Variants in SGCZ observed in about 807,000 individuals in gnomAD.
SGCZ encodes sarcoglycan zeta.
A neutral mutation model predicts 41.3 loss-of-function variants in SGCZ; 40 were observed. The ratio of observed to expected loss-of-function variants is 0.97; its 90% CI spans 0.75 to 1.26. SGCZ has a LOEUF of 1.26. Among genes scored for constraint, SGCZ ranks in the 50% most tolerant of loss-of-function variants. The pLI is 0.00. For missense variants in SGCZ, 552 were observed against 369.8 expected, an observed-to-expected ratio of 1.49 and a Z score of -4.04; for synonymous variants, 206 against 137.5, an observed-to-expected ratio of 1.50 and a Z score of -3.49.
chr8:14,516,920 T>G (rs2117090173), intron 2 of SGCZ, among the ~76,000 whole-genome samples: 1 of 152,110 alleles, frequency 6.6e-6, no homozygotes, highest in South Asian at 2.1e-4. Context: ...GAAACACTGC[T>G]GCCTTGAAAT....
intron 2 of SGCZ, among the ~76,000 whole-genome samples, chr8:14,471,964 T>C (rs1801225213): frequency 6.6e-6 from 1 of 152,062 alleles, no homozygotes; most frequent in African/African-American, 2.4e-5. Context: ...ATAAGCTGAA[T>C]TTCCGAATCT....
intron 1 of SGCZ, among the ~76,000 whole-genome samples, chr8:15,001,642 T>C (rs954639261): frequency 1.4e-5 from 2 of 140,324 alleles, no homozygotes; most frequent in Non-Finnish European, 3.0e-5. Flanking sequence ...GGGAGGAGAA[T>C]GGCGTGAACC....
At chr8:14,646,738 T>A (rs1332092332) in intron 1 of SGCZ, among the ~76,000 whole-genome samples, 1 of 151,934 alleles carries the variant, frequency 6.6e-6, no homozygotes, top group Non-Finnish European at 1.5e-5. Flanking sequence ...AAAAATGACA[T>A]TACTTATTAA....
At chr8:14,599,750 C>T (rs991602659) in intron 1 of SGCZ, among the ~76,000 whole-genome samples, 1 of 152,180 alleles carries the variant, frequency 6.6e-6, no homozygotes, top group Non-Finnish European at 1.5e-5. Context: ...TTTACTAAAG[C>T]TCTGACATTA....
At chr8:14,450,484 G>A (rs1356054949) in intron 2 of SGCZ, among the ~76,000 whole-genome samples, 1 of 152,148 alleles carries the variant, frequency 6.6e-6, no homozygotes, top group African/African-American at 2.4e-5. Context: ...CTGTGTTGAA[G>A]TACAGTCATA....
At chr8:14,368,757 C>T (rs1421894830) in intron 2 of SGCZ, among the ~76,000 whole-genome samples, 1 of 151,976 alleles carries the variant, frequency 6.6e-6, no homozygotes, top group Non-Finnish European at 1.5e-5. Flanking sequence ...ACTGTGTTGG[C>T]TGCTACAAAA....
At chr8:15,071,540 A>G (rs1057143219) in intron 1 of SGCZ, among the ~76,000 whole-genome samples, 5 of 152,218 alleles carry the variant, frequency 3.3e-5, no homozygotes, top group Non-Finnish European at 7.3e-5. Flanking sequence ...CAAATAAAAC[A>G]TTAGAAATAT....
chr8:14,648,249 T>C (rs1182055761), intron 1 of SGCZ, among the ~76,000 whole-genome samples: 3 of 152,132 alleles, frequency 2.0e-5, no homozygotes, highest in African/African-American at 7.2e-5. Context: ...GTACTATCGG[T>C]AACCAAGGTA....
At chr8:14,216,006 T>G (rs62492331) in intron 4 of SGCZ, among the ~76,000 whole-genome samples, 1 of 152,134 alleles carries the variant, frequency 6.6e-6, no homozygotes, top group Non-Finnish European at 1.5e-5. Flanking sequence ...AGGCAGCAGC[T>G]GCAGCCTCAA....
chr8:14,632,509 T>C (rs1214982732), intron 1 of SGCZ, among the ~76,000 whole-genome samples: 2 of 152,096 alleles, frequency 1.3e-5, no homozygotes, highest in Non-Finnish European at 1.5e-5. Context: ...AAATACACTA[T>C]TTTGAAGAAG....
intron 1 of SGCZ, among the ~76,000 whole-genome samples, chr8:14,563,654 T>G (rs1804273815): frequency 6.6e-6 from 1 of 152,062 alleles, no homozygotes; most frequent in Non-Finnish European, 1.5e-5. Context: ...CAATAAGAAC[T>G]AAGTTTAGAG....
intron 1 of SGCZ, among the ~76,000 whole-genome samples, chr8:14,780,590 G>A (rs1800559313): frequency 1.3e-5 from 2 of 151,984 alleles, no homozygotes. Context: ...AGTTTTCCTG[G>A]AGAAACAGGT....
intron 2 of SGCZ, among the ~76,000 whole-genome samples, chr8:14,379,302 C>T (rs549736425): frequency 3.3e-5 from 5 of 152,146 alleles, no homozygotes; most frequent in Admixed American, 1.3e-4. Flanking sequence ...AACTAACTTA[C>T]GTAAGTCAAT....
Position 15,054,961 on chromosome 8 carries a change from CAA to C in SGCZ, c.39+182622_39+182623del, listed in dbSNP as rs34309870. ...TGGGCAACAGAGCAAGACTCCATCT[CAA>C]AAAAAAAAAAAAAATAAGACTCCAT... On this transcript the variant is annotated intron_variant, in intron 1 of 7. Coordinates refer to ENST00000382080, the MANE Select transcript of SGCZ (RefSeq NM_139167.4). Among the ~76,000 whole-genome samples the C allele has an allele frequency of 2.1e-3, 295 of 142,472 alleles. 1 individual carries two copies. Among genetic ancestry groups the C allele is most frequent in the Admixed American group, 2.8e-3 (40 of 14,434 alleles). 93.5% of individuals were successfully genotyped at this position (142,472 alleles called of 152,430 possible).
chr8:14,495,473 A>C (rs1208047882), intron 2 of SGCZ, among the ~76,000 whole-genome samples: 1 of 152,220 alleles, frequency 6.6e-6, no homozygotes, highest in Non-Finnish European at 1.5e-5. Flanking sequence ...AGTATCACTG[A>C]AAAAGTCTGG....
At chr8:14,274,924 G>C (rs932618829) in intron 3 of SGCZ, among the ~76,000 whole-genome samples, 1 of 152,010 alleles carries the variant, frequency 6.6e-6, no homozygotes, top group African/African-American at 2.4e-5. Context: ...GTTCCATAGA[G>C]TTTTGGCAAA....
At chr8:14,376,114 C>A (rs984639591) in intron 2 of SGCZ, among the ~76,000 whole-genome samples, 8 of 152,196 alleles carry the variant, frequency 5.3e-5, no homozygotes, top group African/African-American at 1.9e-4. Flanking sequence ...GAGTTCGAGA[C>A]CAGACTGGCC....
At chr8:14,218,091 C>T (rs1007686446) in intron 4 of SGCZ, among the ~76,000 whole-genome samples, 13 of 152,148 alleles carry the variant, frequency 8.5e-5, no homozygotes, top group Non-Finnish European at 1.9e-4. Context: ...TACTTGACCA[C>T]TCTACTTAAC....
At position 14,551,194 on chromosome 8, in the gene SGCZ, A is replaced by C. The variant is rs559647688; in HGVS notation, c.234+3538T>G. Among the ~76,000 whole-genome samples the C allele has an allele frequency of 1.8e-3, 266 of 147,104 alleles. 3 individuals are homozygous for C. The Middle Eastern group carries it at 0.031, about 17-fold the overall frequency. On this transcript the variant is annotated intron_variant, in intron 2 of 7. Transcript: ENST00000382080. Reference sequence around the variant, plus strand: ...AACCTTAGTTGGTACTTTTGTTCTTAAAATCAGTACTTTATTATTGTAACA... The same window carrying C: ...AACCTTAGTTGGTACTTTTGTTCTTCAAATCAGTACTTTATTATTGTAACA...
Sources: allele counts gnomAD v4.1 joint callset (sites outside exome capture counted in the v4.1 genomes callset), GRCh38; gene constraint gnomAD v4.1.1; transcripts MANE v1.5; gene names NCBI Gene and HGNC (gene_info 2026-07-23, HGNC 2026-07-21).